Variants in NIPBL observed in about 807,000 individuals in gnomAD.
NIPBL encodes NIPBL cohesin loading factor.
NIPBL carries 19 observed loss-of-function variants against 321.8 expected under a neutral mutation model. The ratio of observed to expected loss-of-function variants is 0.06; its 90% CI spans 0.04 to 0.09. The LOEUF is 0.09. NIPBL is among the 10% of genes least tolerant of loss of function. The pLI, the probability that NIPBL is intolerant of heterozygous loss-of-function variation, is 1.00. For missense variants in NIPBL, 2,210 were observed against 3,327.0 expected (o/e 0.66, Z 8.26); for synonymous variants, 1,106 against 1,114.1 (o/e 0.99, Z 0.14).
At chr5:36,971,811 A>G in intron 7 of NIPBL, 134 bp from the exon 8 acceptor site, 1 of 1,469,940 alleles carries the variant, frequency 6.8e-7, no homozygotes, top group South Asian at 1.4e-5. Context: ...AAAACAGGAA[A>G]GTGCAGAAGA....
intron 1 of NIPBL, among the ~76,000 whole-genome samples, chr5:36,913,773 T>G (rs1410913531): frequency 6.6e-6 from 1 of 152,206 alleles, no homozygotes; most frequent in East Asian, 1.9e-4. Context: ...TATGGGAAAT[T>G]GTTAAGACAA....
chr5:36,957,380 T>C (rs1017247403), intron 3 of NIPBL, among the ~76,000 whole-genome samples: 1 of 152,194 alleles, frequency 6.6e-6, no homozygotes, highest in Non-Finnish European at 1.5e-5. Flanking sequence ...TTGTAAGACA[T>C]TCCCAGAAAG....
chr5:36,950,811 A>G (rs1740205094), intron 1 of NIPBL, among the ~76,000 whole-genome samples: 1 of 152,152 alleles, frequency 6.6e-6, no homozygotes, highest in Admixed American at 6.5e-5. Flanking sequence ...CTAGTTAGTT[A>G]GGGTTGTGTT....
At position 37,045,322 on chromosome 5, in the gene NIPBL, C is replaced by G. The variant is rs147029252; in HGVS notation, c.6344-121C>G. The G allele has an allele frequency of 4.9e-4, 352 of 718,250 alleles. 5 individuals are homozygous for G. In the East Asian group the frequency reaches 8.8e-3, roughly 18 times the overall value. 44.5% of individuals were successfully genotyped at this position (718,250 alleles called of 1,614,324 possible). The stretch of plus-strand genomic sequence containing the variant: ...TGAGCCAAGATCATGTCACTGCACT[C>G]CAGCCTGGGTGACAGTGAGACTCCA... On this transcript the variant is annotated intron_variant, in intron 36 of 46. Transcript: ENST00000282516.
chr5:37,006,554 G>A lies in NIPBL; in HGVS notation c.4053G>A (p.Gln1351=). Residue 1351 remains glutamine, a synonymous_variant, in exon 17 of 47, where the codon CAG becomes CAA. Transcript: ENST00000282516. ...KFHLQNTLYP[Q]YDPVYRLDPH... The stretch of plus-strand genomic sequence containing the variant: ...ATTTGCAGAATACACTTTATCCTCA[G>A]TATGATCCTGTTTACAGATTAGATC... 2 of 1,607,812 alleles carry A rather than the reference G, an allele frequency of 1.2e-6. No individual in the cohort carries two copies. The highest frequency in any genetic ancestry group is 1.3e-5 in the African/African-American group (1 of 74,818).
intron 4 of NIPBL, among the ~76,000 whole-genome samples, chr5:36,959,357 G>A (rs2149604383): frequency 6.6e-6 from 1 of 152,172 alleles, no homozygotes; most frequent in South Asian, 2.1e-4. Flanking sequence ...TGTTTGAATG[G>A]TATTTTGAAA....
intron 1 of NIPBL, chr5:36,885,978 T>A: frequency 1.4e-6 from 1 of 728,176 alleles, no homozygotes; most frequent in Non-Finnish European, 2.5e-6. Flanking sequence ...TACGACGAGC[T>A]AGCTCAGAAG....
intron 32 of NIPBL, among the ~76,000 whole-genome samples, chr5:37,027,886 T>C (rs1349230989): frequency 6.6e-6 from 1 of 152,146 alleles, no homozygotes; most frequent in East Asian, 1.9e-4. Context: ...CCCAAAGTGC[T>C]GGGATTATAG....
intron 1 of NIPBL, among the ~76,000 whole-genome samples, chr5:36,896,158 A>G (rs942028724): frequency 6.6e-6 from 1 of 152,120 alleles, no homozygotes; most frequent in Admixed American, 6.5e-5. Flanking sequence ...TGTTTATCCA[A>G]TTTTCCATTA....
chr5:37,062,546 TA>T (rs34928107), intron 45 of NIPBL, among the ~76,000 whole-genome samples: 127 of 145,336 alleles, frequency 8.7e-4, no homozygotes, highest in East Asian at 3.8e-3. Flanking sequence ...TTCCAGTGAT[TA>T]AAAAAAAAAA....
chr5:36,942,689 C>A lies in NIPBL; in HGVS notation c.-79-10929C>A, dbSNP rs186729059. Among the ~76,000 whole-genome samples, 52 of 147,242 alleles carry A rather than the reference C, an allele frequency of 3.5e-4. No homozygotes were observed. In the East Asian group the frequency reaches 0.01, roughly 29 times the overall value. On this transcript the variant is annotated intron_variant, in intron 1 of 46. Coordinates refer to ENST00000282516, the MANE Select transcript of NIPBL (RefSeq NM_133433.4). The stretch of plus-strand genomic sequence containing the variant: ...CTTGGAGGCAGAGGCTGTAATGAGC[C>A]GAGATCGCACCACTGCACTTCAGCC...
At chr5:37,016,722 C>A (rs1324803262) in intron 23 of NIPBL, among the ~76,000 whole-genome samples, 2 of 152,072 alleles carry the variant, frequency 1.3e-5, no homozygotes, top group East Asian at 3.9e-4. Context: ...AGAATTCCAC[C>A]CTAAGAAATT....
chr5:37,013,414 G>A lies in NIPBL; in HGVS notation c.4561-1269G>A, dbSNP rs543273004. ...GAGACGCTCCTCACTTCCCAGACAG[G>A]GTGGCTGCTGGGCGGAGGGGCTCCT... On this transcript the variant is annotated intron_variant, in intron 21 of 46. Transcript: ENST00000282516. 2.1e-3 allele frequency among the ~76,000 whole-genome samples: 323 copies of A among 152,148 alleles called. 1 individual carries two copies. The highest frequency in any genetic ancestry group is 6.9e-3 in the African/African-American group (287 of 41,532).
At chr5:36,948,382 C>G (rs1739919659) in intron 1 of NIPBL, among the ~76,000 whole-genome samples, 1 of 151,840 alleles carries the variant, frequency 6.6e-6, no homozygotes, top group South Asian at 2.1e-4. Context: ...AAACTGTTAA[C>G]TATTAAGCAT....
intron 1 of NIPBL, among the ~76,000 whole-genome samples, chr5:36,930,272 T>C (rs564622132): frequency 6.6e-6 from 1 of 152,244 alleles, no homozygotes; most frequent in East Asian, 1.9e-4. Context: ...ACAAATCTTA[T>C]ACTGATTTTT....
chr5:36,905,358 G>A (rs1032831539), intron 1 of NIPBL, among the ~76,000 whole-genome samples: 2 of 152,180 alleles, frequency 1.3e-5, no homozygotes, highest in African/African-American at 4.8e-5. Flanking sequence ...CACTAATGGA[G>A]GATTGTTATT....
chr5:36,909,977 G>A (rs1747924160), intron 1 of NIPBL, among the ~76,000 whole-genome samples: 2 of 152,038 alleles, frequency 1.3e-5, no homozygotes, highest in South Asian at 4.1e-4. Flanking sequence ...TCGGGAGGCT[G>A]AGGCAGGAGA....
chr5:37,044,874 C>G (rs1579558638), intron 36 of NIPBL, 145 bp downstream of exon 36: 1 of 667,042 alleles, frequency 1.5e-6, no homozygotes, highest in East Asian at 2.7e-5. Flanking sequence ...ACAATATTTT[C>G]TAGTGTCTTT....
chr5:36,905,002 C>T (rs576994519), intron 1 of NIPBL, among the ~76,000 whole-genome samples: 1 of 152,240 alleles, frequency 6.6e-6, no homozygotes, highest in South Asian at 2.1e-4. Flanking sequence ...TATCACAGTG[C>T]AATTAGTATG....
Sources: allele counts gnomAD v4.1 joint callset (sites outside exome capture counted in the v4.1 genomes callset), GRCh38; gene constraint gnomAD v4.1.1; transcripts MANE v1.5; gene names NCBI Gene and HGNC (gene_info 2026-07-23, HGNC 2026-07-21).